The following ICA1L variants were observed in gnomAD, a reference collection of about 807,000 sequenced individuals.
The protein encoded by ICA1L is islet cell autoantigen 1 like, also known as islet cell autoantigen 1-like protein.
ICA1L carries 50 observed loss-of-function variants against 61.3 expected under a neutral mutation model. The observed-to-expected ratio is 0.82, with a 90% confidence interval of 0.65 to 1.03. The LOEUF is 1.03. Among genes scored for constraint, ICA1L ranks in the 50% least tolerant of loss-of-function variants. ICA1L has a pLI of 0.00. For missense variants in ICA1L, 508 were observed against 556.7 expected (o/e 0.91, Z 0.88); for synonymous variants, 161 against 191.3 (o/e 0.84, Z 1.31).
chr2:202,850,258 T>C (rs1261846275), intron 1 of ICA1L, among the ~76,000 whole-genome samples: 1 of 151,860 alleles, frequency 6.6e-6, no homozygotes, highest in East Asian at 1.9e-4. Context: ...ATGAAACTCC[T>C]CTGGGCACAA....
intron 12 of ICA1L, among the ~76,000 whole-genome samples, chr2:202,780,962 T>G (rs1223364438): frequency 1.3e-5 from 2 of 152,174 alleles, no homozygotes; most frequent in African/African-American, 2.4e-5. Context: ...GCACTATTAG[T>G]CATTATGCCA....
At chr2:202,826,948 A>G (rs1214762366) in intron 2 of ICA1L, among the ~76,000 whole-genome samples, 1 of 152,076 alleles carries the variant, frequency 6.6e-6, no homozygotes, top group African/African-American at 2.4e-5. Flanking sequence ...GTTTGATCAA[A>G]CCTAAAGAAG....
At chr2:202,817,771 A>G (rs1043952993) in intron 5 of ICA1L, among the ~76,000 whole-genome samples, 1 of 152,220 alleles carries the variant, frequency 6.6e-6, no homozygotes. Flanking sequence ...TTATGCTGAG[A>G]AAGTATGAGA....
intron 1 of ICA1L, among the ~76,000 whole-genome samples, chr2:202,833,480 G>A (rs1426953729): frequency 6.6e-6 from 1 of 152,148 alleles, no homozygotes; most frequent in African/African-American, 2.4e-5. Flanking sequence ...AGCTACTCAG[G>A]AGGCTGAGGC....
chr2:202,801,971 A>G (rs551851652), intron 9 of ICA1L, among the ~76,000 whole-genome samples: 4 of 152,314 alleles, frequency 2.6e-5, no homozygotes, highest in South Asian at 2.1e-4. Context: ...GGTATTCACA[A>G]ATCACTAAAG....
rs541497338 is a variant in ICA1L, at chr2:202,859,373, A to G, written c.-8+12246T>C. ...GGACTACAGTAGTTGAAATTTACAC[A>G]CAGAGATACTATAACTCATGCAGAA... is the stretch of plus-strand genomic sequence containing the variant. On this transcript the variant is annotated intron_variant, in intron 1 of 12. Coordinates refer to ENST00000358299, the MANE Select transcript of ICA1L (RefSeq NM_001288622.3). Among the ~76,000 whole-genome samples the G allele has an allele frequency of 4.6e-5, 7 of 152,346 alleles. No homozygotes were observed. The South Asian group carries it at 1.0e-3, about 23-fold the overall frequency.
Position 202,773,417 on chromosome 2 carries a change from T to C in ICA1L, c.*6116A>G, listed in dbSNP as rs1692115425. On this transcript the variant is annotated 3_prime_UTR_variant, in exon 13 of 13. Coordinates refer to ENST00000358299, the MANE Select transcript of ICA1L (RefSeq NM_001288622.3). ...ACAAACAAAGAAAACAAAATTTCAA[T>C]GACTCTTAGATGAATGGAATAAGAA... is the stretch of plus-strand genomic sequence containing the variant. The C allele has an allele frequency of 1.2e-5, 2 of 170,084 alleles. No homozygotes were observed. Among genetic ancestry groups the C allele is most frequent in the Admixed American group, 1.1e-4 (2 of 17,540 alleles). 10.5% of individuals were successfully genotyped at this position (170,084 alleles called of 1,614,324 possible). A position where few individuals can be genotyped will look rare whatever the true frequency, so the allele number is the denominator to read the frequency against.
At chr2:202,782,414 T>G (rs976097826) in intron 12 of ICA1L, among the ~76,000 whole-genome samples, 6 of 144,068 alleles carry the variant, frequency 4.2e-5, no homozygotes, top group South Asian at 2.1e-4. Context: ...TTGTTTTTGG[T>G]TTTTTTTTTT....
At chr2:202,799,029 G>A (rs1340925339) in intron 9 of ICA1L, among the ~76,000 whole-genome samples, 1 of 152,104 alleles carries the variant, frequency 6.6e-6, no homozygotes, top group Admixed American at 6.6e-5. Flanking sequence ...TCCATTGATG[G>A]ACACTTAGGG....
At chr2:202,813,361 ATTGGT>A (rs1235153081) in intron 8 of ICA1L, among the ~76,000 whole-genome samples, 1 of 152,214 alleles carries the variant, frequency 6.6e-6, no homozygotes, top group Non-Finnish European at 1.5e-5. Context: ...AGCAAAAAAA[ATTGGT>A]TTGGATTTCC....
At position 202,837,562 on chromosome 2, in the gene ICA1L, C is replaced by T. The variant is rs533202474; in HGVS notation, c.-7-8546G>A. 3.9e-5 allele frequency among the ~76,000 whole-genome samples: 6 copies of T among 152,188 alleles called. No individual in the cohort carries two copies. In the South Asian group the frequency reaches 1.2e-3, roughly 32 times the overall value. ...CTGGGATTACAAGCGTGAGCCACCG[C>T]ACCCGGCCTTCTCTTTTCAAAACCA... On this transcript the variant is annotated intron_variant, in intron 1 of 12. Coordinates refer to ENST00000358299, the MANE Select transcript of ICA1L (RefSeq NM_001288622.3).
At chr2:202,823,729 T>G (rs1693759737) in intron 3 of ICA1L, among the ~76,000 whole-genome samples, 1 of 152,218 alleles carries the variant, frequency 6.6e-6, no homozygotes, top group Non-Finnish European at 1.5e-5. Context: ...TCAATTCCTG[T>G]CTATGGAATT....
At chr2:202,837,905 G>A (rs1694200524) in intron 1 of ICA1L, among the ~76,000 whole-genome samples, 1 of 152,144 alleles carries the variant, frequency 6.6e-6, no homozygotes, top group Non-Finnish European at 1.5e-5. Context: ...TCAGGCTGGA[G>A]TGCAATGGTG....
At chr2:202,816,308 T>C (rs553074753) in intron 6 of ICA1L, among the ~76,000 whole-genome samples, 7 of 152,220 alleles carry the variant, frequency 4.6e-5, no homozygotes, top group Middle Eastern at 6.8e-3. Context: ...TCAGAACATC[T>C]GAGATATCAA....
chr2:202,802,652 AG>A, intron 9 of ICA1L, among the ~76,000 whole-genome samples: 1 of 152,258 alleles, frequency 6.6e-6, no homozygotes, highest in East Asian at 1.9e-4. Flanking sequence ...AGAAAAAAAA[AG>A]TATCTAAACT....
At position 202,790,476 on chromosome 2, in the gene ICA1L, A is replaced by G. The variant is rs530941828; in HGVS notation, c.986-1389T>C. ...GTCCCATCTTCCCGCTTTCCAACTT[A>G]GCAAGATGGAGATTCCACTCCAGTC... On this transcript the variant is annotated intron_variant, in intron 10 of 12. Coordinates refer to ENST00000358299, the MANE Select transcript of ICA1L (RefSeq NM_001288622.3). Among the ~76,000 whole-genome samples, 8 of 152,324 alleles carry G rather than the reference A, an allele frequency of 5.3e-5. No individual in the cohort carries two copies. In the South Asian group the frequency reaches 1.7e-3, roughly 32 times the overall value.
At chr2:202,865,338 G>A (rs1188022823) in intron 1 of ICA1L, among the ~76,000 whole-genome samples, 2 of 142,472 alleles carry the variant, frequency 1.4e-5, no homozygotes, top group African/African-American at 2.6e-5. Context: ...GCGTGGTGGT[G>A]CACTCCTGTA....
At chr2:202,867,689 CCCATTTGATCTTGCTAACAA>C (rs1162544534) in intron 1 of ICA1L, among the ~76,000 whole-genome samples, 1 of 152,126 alleles carries the variant, frequency 6.6e-6, no homozygotes, top group Non-Finnish European at 1.5e-5. Flanking sequence ...TCAGCACACC[CCCATTTGATCTTGCTAACAA>C]CCAATCTGTC....
chr2:202,775,868 A>G lies in ICA1L; in HGVS notation c.*3665T>C, dbSNP rs1447736743. 1 of 152,234 alleles carries G rather than the reference A, an allele frequency of 6.6e-6. No homozygotes were observed. Among genetic ancestry groups the G allele is most frequent in the Non-Finnish European group, 1.5e-5 (1 of 68,048 alleles). The allele number at this position is 152,234 out of a possible 1,614,324, so 9.4% of individuals were successfully genotyped here. A position where few individuals can be genotyped will look rare whatever the true frequency, so the allele number is the denominator to read the frequency against. ...TTTATTTTCGTTCTCCCATGTCCGT[A>G]TCAACTCAATGTACTTTCCTAATAC... On this transcript the variant is annotated 3_prime_UTR_variant, in exon 13 of 13. Transcript: ENST00000358299.
Sources: gnomAD v4.1 joint callset for allele counts (sites outside exome capture counted in the v4.1 genomes callset) on GRCh38, gnomAD v4.1.1 for gene constraint, MANE v1.5 for transcripts, NCBI Gene and HGNC (gene_info 2026-07-23, HGNC 2026-07-21) for gene names.